The following CSMD3 variants were observed in gnomAD, a reference collection of about 807,000 sequenced individuals.
CSMD3 encodes CUB and Sushi multiple domains 3.
CSMD3 carries 177 observed loss-of-function variants against 435.2 expected under a neutral mutation model. The observed-to-expected ratio is 0.41, with a 90% confidence interval of 0.36 to 0.46. The LOEUF is 0.46. Among genes scored for constraint, CSMD3 ranks in the 20% least tolerant of loss-of-function variants. CSMD3 has a pLI of 0.34. For synonymous variants in CSMD3, 1,656 were observed against 1,520.5 expected (o/e 1.09, Z -2.07); for missense variants, 4,265 against 4,504.6 (o/e 0.95, Z 1.52).
chr8:112,578,786 A>T (rs189023212), intron 23 of CSMD3, among the ~76,000 whole-genome samples: 5 of 152,178 alleles, frequency 3.3e-5, no homozygotes, highest in Admixed American at 1.3e-4. Context: ...GTGGCACAGG[A>T]GCAGCCATAG....
intron 23 of CSMD3, among the ~76,000 whole-genome samples, chr8:112,576,717 A>G (rs62516511): frequency 0.41 from 61,372 of 151,032 alleles, 13,245 homozygotes; most frequent in East Asian, 0.57. Flanking sequence ...TTTTTATACA[A>G]ATGGGTTTTG....
chr8:113,078,329 A>G (rs1340305726), intron 5 of CSMD3, among the ~76,000 whole-genome samples: 2 of 152,168 alleles, frequency 1.3e-5, no homozygotes, highest in African/African-American at 4.8e-5. Context: ...CAAATTAGAG[A>G]TCAAACAGAA....
chr8:112,455,563 T>C (rs1816744615), intron 32 of CSMD3, among the ~76,000 whole-genome samples: 1 of 151,208 alleles, frequency 6.6e-6, no homozygotes, highest in African/African-American at 2.4e-5. Context: ...AAATCTAAAA[T>C]AAGAGTTGAA....
At chr8:112,432,356 T>G (rs984332661) in intron 32 of CSMD3, among the ~76,000 whole-genome samples, 2 of 152,224 alleles carry the variant, frequency 1.3e-5, no homozygotes, top group Middle Eastern at 3.4e-3. Context: ...CAGTCTGGAG[T>G]GCAGTGGTGC....
intron 1 of CSMD3, among the ~76,000 whole-genome samples, chr8:113,387,079 C>T (rs774364465): frequency 6.6e-6 from 1 of 151,626 alleles, no homozygotes; most frequent in Non-Finnish European, 1.5e-5. Context: ...ATCCTGTTGC[C>T]TCTTAAAAAA....
intron 5 of CSMD3, among the ~76,000 whole-genome samples, chr8:113,089,978 T>C (rs1476214185): frequency 1.3e-5 from 2 of 152,126 alleles, no homozygotes; most frequent in African/African-American, 4.8e-5. Flanking sequence ...GGGAGGTATG[T>C]TGAACAGAAA....
intron 3 of CSMD3, among the ~76,000 whole-genome samples, chr8:113,217,806 A>C (rs1446335647): frequency 4.0e-5 from 6 of 151,408 alleles, no homozygotes; most frequent in Admixed American, 3.3e-4. Flanking sequence ...ATAAGATATG[A>C]TGGCCCAAAT....
intron 13 of CSMD3, among the ~76,000 whole-genome samples, chr8:112,764,274 A>C (rs2077920335): frequency 6.6e-6 from 1 of 151,496 alleles, no homozygotes; most frequent in South Asian, 2.1e-4. Flanking sequence ...TTAAGCAAAA[A>C]TTTAAAAACT....
chr8:113,151,219 A>G (rs762175849), intron 4 of CSMD3, among the ~76,000 whole-genome samples: 1 of 151,942 alleles, frequency 6.6e-6, no homozygotes, highest in Non-Finnish European at 1.5e-5. Context: ...GTTTCAGCCA[A>G]ATATAATGCA....
At chr8:113,124,450 T>C (rs555184644) in intron 4 of CSMD3, among the ~76,000 whole-genome samples, 3 of 150,832 alleles carry the variant, frequency 2.0e-5, no homozygotes, top group Non-Finnish European at 4.4e-5. Context: ...TTGATGGGAC[T>C]CTTTCTCATT....
chr8:113,318,786 A>ATGTGTGTGTGTGTGTGTGTGTGTG lies in CSMD3; in HGVS notation c.179-4017_179-3994dup, dbSNP rs56269027. On this transcript the variant is annotated intron_variant, in intron 1 of 70. Coordinates refer to ENST00000297405, the MANE Select transcript of CSMD3 (RefSeq NM_198123.2). ...ATTTCCTCTTTTAAGGCTGAATAAG[A>ATGTGTGTGTGTGTGTGTGTGTGTG]TGTGTGTGTGTGTGTGTGTGTGTGT... Among the ~76,000 whole-genome samples the ATGTGTGTGTGTGTGTGTGTGTGTG allele has an allele frequency of 1.3e-3, 187 of 140,148 alleles. 1 individual carries two copies. The highest frequency in any genetic ancestry group is 2.1e-3 in the African/African-American group (79 of 37,442). The allele number at this position is 140,148 out of a possible 152,430, so 91.9% of individuals were successfully genotyped here.
At chr8:112,781,199 G>A (rs768442351) in intron 13 of CSMD3, among the ~76,000 whole-genome samples, 1 of 152,066 alleles carries the variant, frequency 6.6e-6, no homozygotes, top group Non-Finnish European at 1.5e-5. Flanking sequence ...GCACTTCTCT[G>A]AAGGAAAAGA....
intron 31 of CSMD3, among the ~76,000 whole-genome samples, chr8:112,475,231 T>C (rs987086823): frequency 6.6e-6 from 1 of 152,208 alleles, no homozygotes; most frequent in African/African-American, 2.4e-5. Context: ...GTCATGAACA[T>C]TGTGCCATCC....
chr8:112,873,873 T>C (rs989139247), intron 10 of CSMD3, among the ~76,000 whole-genome samples: 88 of 152,230 alleles, frequency 5.8e-4, no homozygotes, highest in Non-Finnish European at 9.3e-4. Context: ...CTGGATTCAC[T>C]GATTTTTTTT....
intron 3 of CSMD3, among the ~76,000 whole-genome samples, chr8:113,245,439 A>G (rs2093266508): frequency 6.6e-6 from 1 of 151,928 alleles, no homozygotes; most frequent in Non-Finnish European, 1.5e-5. Flanking sequence ...CTTAGAGCTT[A>G]TCCTGTAGAT....
At chr8:112,818,930 T>G (rs2079453241) in intron 12 of CSMD3, among the ~76,000 whole-genome samples, 1 of 152,096 alleles carries the variant, frequency 6.6e-6, no homozygotes. Flanking sequence ...GTTTTATTTC[T>G]TTTTTTTCTA....
intron 32 of CSMD3, among the ~76,000 whole-genome samples, chr8:112,434,905 T>C (rs367833859): frequency 1.3e-5 from 2 of 152,112 alleles, no homozygotes; most frequent in Non-Finnish European, 2.9e-5. Flanking sequence ...TGAAAATCTT[T>C]GACCTAATGT....
At chr8:112,973,155 T>A (rs1254017137) in intron 7 of CSMD3, among the ~76,000 whole-genome samples, 1 of 151,972 alleles carries the variant, frequency 6.6e-6, no homozygotes, top group African/African-American at 2.4e-5. Flanking sequence ...GCTTTATTCT[T>A]AAGAGCATTG....
intron 9 of CSMD3, among the ~76,000 whole-genome samples, chr8:112,924,390 A>G (rs913545148): frequency 3.9e-5 from 6 of 152,136 alleles, no homozygotes; most frequent in African/African-American, 1.2e-4. Context: ...GGCCTGGCCC[A>G]TAGGATTCAT....
Sources: gnomAD v4.1 joint callset for allele counts (sites outside exome capture counted in the v4.1 genomes callset) on GRCh38, gnomAD v4.1.1 for gene constraint, MANE v1.5 for transcripts, NCBI Gene and HGNC (gene_info 2026-07-23, HGNC 2026-07-21) for gene names.